The following ASTN2 variants were observed in gnomAD, a reference collection of about 807,000 sequenced individuals.
The protein encoded by ASTN2 is astrotactin 2.
A neutral mutation model predicts 139.8 loss-of-function variants in ASTN2; 54 were observed. That is an observed-to-expected ratio of 0.39 (90% confidence interval 0.31 to 0.48). The LOEUF (loss-of-function observed/expected upper bound fraction) is 0.48, where lower values mean the gene tolerates loss of function less well. ASTN2 is among the 20% of genes least tolerant of loss of function. The probability of loss-of-function intolerance (pLI) is 0.95; values close to 1 mark genes in which losing one functional copy is unlikely to be tolerated. For synonymous variants in ASTN2, 756 were observed against 719.5 expected (o/e 1.05, Z -0.81); for missense variants, 1,565 against 1,725.1 (o/e 0.91, Z 1.64).
intron 17 of ASTN2, among the ~76,000 whole-genome samples, chr9:116,633,477 G>A (rs10759851): frequency 0.53 from 80,006 of 151,972 alleles, 22,176 homozygotes; most frequent in East Asian, 0.86. Context: ...GACAAGACCT[G>A]TCTTCTAAGC....
At chr9:117,246,244 C>A (rs1833379468) in intron 2 of ASTN2, among the ~76,000 whole-genome samples, 1 of 152,206 alleles carries the variant, frequency 6.6e-6, no homozygotes, top group African/African-American at 2.4e-5. Context: ...CAATTCAATT[C>A]TTGCAAGAGA....
intron 2 of ASTN2, among the ~76,000 whole-genome samples, chr9:117,245,199 G>A (rs946904399): frequency 3.3e-5 from 5 of 152,138 alleles, no homozygotes; most frequent in African/African-American, 1.2e-4. Context: ...TCTGAAAGAC[G>A]AATGCATCCA....
chr9:116,848,590 G>T (rs1195604864), intron 11 of ASTN2, among the ~76,000 whole-genome samples: 1 of 152,180 alleles, frequency 6.6e-6, no homozygotes, highest in African/African-American at 2.4e-5. Flanking sequence ...CCTGGCACCT[G>T]AGTCTCTTTT....
At chr9:117,251,967 T>A (rs986576819) in intron 2 of ASTN2, among the ~76,000 whole-genome samples, 1 of 152,168 alleles carries the variant, frequency 6.6e-6, no homozygotes, top group East Asian at 1.9e-4. Context: ...GCAAAACTGT[T>A]CTCATTTCTA....
intron 13 of ASTN2, among the ~76,000 whole-genome samples, chr9:116,752,147 A>G (rs1467599184): frequency 2.6e-5 from 4 of 152,226 alleles, no homozygotes; most frequent in Non-Finnish European, 5.9e-5. Flanking sequence ...GAAATGACAG[A>G]AAAAGAGATC....
At chr9:116,842,747 CG>C (rs1432551991) in intron 11 of ASTN2, among the ~76,000 whole-genome samples, 9 of 62,584 alleles carry the variant, frequency 1.4e-4, no homozygotes, top group Non-Finnish European at 3.0e-4. Context: ...TGGGGTGGGG[CG>C]GGGGGAGGGC....
Position 116,863,685 on chromosome 9 carries a change from C to T in ASTN2, c.1938G>A (p.Leu646=). 9 of 1,614,196 alleles carry T rather than the reference C, an allele frequency of 5.6e-6. No individual in the cohort carries two copies. Among genetic ancestry groups the T allele is most frequent in the Non-Finnish European group, 6.8e-6 (8 of 1,180,018 alleles). ...AGTCACGAACTGGCCCGAAGGAAGA[C>T]AGCAGGTCATTGATGGTTTCAAAGT... ...STYFETINDL[L]SSFGPVRDCS... is the part of the protein sequence containing the mutation. Residue 646 remains leucine (L), a synonymous_variant, in exon 11 of 23, where the codon CTG becomes CTA. Coordinates refer to ENST00000313400, the MANE Select transcript of ASTN2 (RefSeq NM_001365068.1).
intron 19 of ASTN2, among the ~76,000 whole-genome samples, chr9:116,544,019 A>C (rs369944870): frequency 1.3e-5 from 2 of 152,208 alleles, no homozygotes; most frequent in African/African-American, 2.4e-5. Flanking sequence ...TAGTTCTAAC[A>C]CAGAGAACAG....
intron 10 of ASTN2, among the ~76,000 whole-genome samples, chr9:116,971,101 A>C (rs10759881): frequency 0.28 from 42,318 of 151,866 alleles, 6,132 homozygotes; most frequent in Admixed American, 0.36. Context: ...CCTGTGGTAT[A>C]TGGCATAGTA....
chr9:116,618,173 A>G, intron 19 of ASTN2, 151 bp downstream of exon 19: 2 of 772,836 alleles, frequency 2.6e-6, no homozygotes, highest in South Asian at 2.4e-5. Context: ...ACAAAACAGC[A>G]CACAAGGATG....
Position 117,021,867 on chromosome 9 carries a change from C to T in ASTN2, c.1424-13608G>A, listed in dbSNP as rs540773525. On this transcript the variant is annotated intron_variant, in intron 6 of 22. Coordinates refer to ENST00000313400, the MANE Select transcript of ASTN2 (RefSeq NM_001365068.1). ...AACTGCACCCGACACATAATAAATG[C>T]TGGATAAATATTAGCTATTCTTACA... Among the ~76,000 whole-genome samples, 7 of 152,216 alleles carry T rather than the reference C, an allele frequency of 4.6e-5. No homozygotes were observed. The East Asian group carries it at 1.2e-3, about 25-fold the overall frequency.
At chr9:117,198,334 C>T (rs528899975) in intron 3 of ASTN2, among the ~76,000 whole-genome samples, 1 of 152,282 alleles carries the variant, frequency 6.6e-6, no homozygotes, top group Non-Finnish European at 1.5e-5. Context: ...CCAGCTTCAT[C>T]CATGTCCCTG....
chr9:117,055,399 T>G (rs1839029974), intron 5 of ASTN2, among the ~76,000 whole-genome samples: 1 of 152,184 alleles, frequency 6.6e-6, no homozygotes, highest in African/African-American at 2.4e-5. Context: ...AGAGGACCAC[T>G]TGAGCCCAGG....
intron 20 of ASTN2, among the ~76,000 whole-genome samples, chr9:116,470,669 T>C (rs1037060414): frequency 6.6e-6 from 1 of 152,210 alleles, no homozygotes; most frequent in East Asian, 1.9e-4. Context: ...AGTATTTACA[T>C]GAACACTCTT....
intron 3 of ASTN2, among the ~76,000 whole-genome samples, chr9:117,187,357 A>T (rs540285504): frequency 6.6e-6 from 1 of 152,082 alleles, no homozygotes; most frequent in East Asian, 1.9e-4. Flanking sequence ...AGGCCCTGAG[A>T]TTGATGAAGA....
chr9:117,091,403 G>T (rs1000275377), intron 5 of ASTN2, among the ~76,000 whole-genome samples: 1 of 152,116 alleles, frequency 6.6e-6, no homozygotes, highest in Non-Finnish European at 1.5e-5. Context: ...TTCAGTGGAG[G>T]ACACAAATAG....
chr9:117,410,974 A>G (rs887669881), intron 1 of ASTN2, among the ~76,000 whole-genome samples: 3 of 152,212 alleles, frequency 2.0e-5, no homozygotes, highest in African/African-American at 7.2e-5. Flanking sequence ...GATGATTGTT[A>G]TCCCTCTCTA....
intron 1 of ASTN2, among the ~76,000 whole-genome samples, chr9:117,348,338 C>T (rs1829286948): frequency 6.6e-6 from 1 of 152,306 alleles, no homozygotes; most frequent in South Asian, 2.1e-4. Context: ...TTTAACTCTA[C>T]CGATACTCAT....
intron 5 of ASTN2, among the ~76,000 whole-genome samples, chr9:117,091,030 C>A (rs974073585): frequency 2.6e-5 from 4 of 152,180 alleles, no homozygotes; most frequent in Non-Finnish European, 2.9e-5. Flanking sequence ...ACCACCAAGG[C>A]CCTCTTGCCA....
Sources: allele counts gnomAD v4.1 joint callset (sites outside exome capture counted in the v4.1 genomes callset), GRCh38; gene constraint gnomAD v4.1.1; transcripts MANE v1.5; gene names NCBI Gene and HGNC (gene_info 2026-07-23, HGNC 2026-07-21).